Variants in MAD1L1 observed in about 807,000 individuals in gnomAD.
MAD1L1 encodes mitotic arrest deficient 1 like 1.
MAD1L1 carries 95 observed loss-of-function variants against 96.9 expected under a neutral mutation model. The observed-to-expected ratio is 0.98, with a 90% CI of 0.83 to 1.16. The LOEUF is 1.16. Among genes scored for constraint, MAD1L1 ranks in the 50% most tolerant of loss-of-function variants. The probability of loss-of-function intolerance (pLI) is 0.00; values close to 1 mark genes in which losing one functional copy is unlikely to be tolerated. For synonymous variants in MAD1L1, 473 were observed against 396.6 expected, an observed-to-expected ratio of 1.19 and a Z score of -2.29; for missense variants, 1,007 against 954.4, an observed-to-expected ratio of 1.06 and a Z score of -0.73.
At chr7:2,144,246 G>A (rs570623496) in intron 11 of MAD1L1, among the ~76,000 whole-genome samples, 22 of 152,322 alleles carry the variant, frequency 1.4e-4, no homozygotes, top group Admixed American at 2.6e-4. Context: ...TCAAGTGAGA[G>A]GCTGCGCATG....
At chr7:1,887,845 G>A (rs1786197836) in intron 18 of MAD1L1, among the ~76,000 whole-genome samples, 3 of 32,354 alleles carry the variant, frequency 9.3e-5, no homozygotes, top group Non-Finnish European at 1.6e-4. Context: ...GTGGCGTCCT[G>A]TGCGTGTGTG....
chr7:1,838,261 A>G (rs190165677), intron 18 of MAD1L1, among the ~76,000 whole-genome samples: 36 of 152,340 alleles, frequency 2.4e-4, no homozygotes, highest in African/African-American at 8.4e-4. Context: ...AGAAGCTGGG[A>G]GAACAGGCAG....
intron 18 of MAD1L1, among the ~76,000 whole-genome samples, chr7:1,856,361 G>A (rs918621763): frequency 6.6e-6 from 1 of 152,172 alleles, no homozygotes; most frequent in Non-Finnish European, 1.5e-5. Context: ...GGTGCTCGGG[G>A]AAGAACCCGC....
chr7:1,977,306 T>C (rs2128482346), intron 15 of MAD1L1, among the ~76,000 whole-genome samples: 1 of 152,344 alleles, frequency 6.6e-6, no homozygotes, highest in Admixed American at 6.5e-5. Flanking sequence ...GCAGCGCAGA[T>C]GGGCCAGCAG....
chr7:1,870,171 C>T (rs1486328196), intron 18 of MAD1L1, among the ~76,000 whole-genome samples: 2 of 152,132 alleles, frequency 1.3e-5, no homozygotes, highest in African/African-American at 2.4e-5. Context: ...GTGTCACATC[C>T]GGCCTAGTTG....
intron 10 of MAD1L1, among the ~76,000 whole-genome samples, chr7:2,163,162 G>A (rs752304764): frequency 1.3e-5 from 2 of 152,150 alleles, no homozygotes; most frequent in Non-Finnish European, 2.9e-5. Flanking sequence ...GCACAAACCG[G>A]CACATTAAGG....
intron 11 of MAD1L1, among the ~76,000 whole-genome samples, chr7:2,105,063 G>C (rs1238095075): frequency 6.6e-6 from 1 of 152,210 alleles, no homozygotes; most frequent in Admixed American, 6.5e-5. Context: ...CCCAGGGGCC[G>C]GACACCGCAG....
At chr7:2,205,519 T>C (rs572186479) in intron 10 of MAD1L1, among the ~76,000 whole-genome samples, 1 of 152,104 alleles carries the variant, frequency 6.6e-6, no homozygotes, top group Non-Finnish European at 1.5e-5. Flanking sequence ...ACCCCTATCA[T>C]TGCATCCCCA....
At chr7:1,845,104 A>C (rs1015938363) in intron 18 of MAD1L1, among the ~76,000 whole-genome samples, 1 of 152,214 alleles carries the variant, frequency 6.6e-6, no homozygotes, top group Non-Finnish European at 1.5e-5. Flanking sequence ...GAGCAGAGCG[A>C]AGGGGTCTCC....
chr7:1,960,417 A>G (rs1267103490), intron 15 of MAD1L1, among the ~76,000 whole-genome samples: 1 of 152,224 alleles, frequency 6.6e-6, no homozygotes, highest in Non-Finnish European at 1.5e-5. Flanking sequence ...ACCCAATCAG[A>G]CACCGCTGAC....
At chr7:2,228,804 A>G (rs1430636087) in intron 3 of MAD1L1, among the ~76,000 whole-genome samples, 1 of 151,380 alleles carries the variant, frequency 6.6e-6, no homozygotes, top group Non-Finnish European at 1.5e-5. Context: ...GCGGTGGCGC[A>G]ATCTCAGCTC....
intron 16 of MAD1L1, among the ~76,000 whole-genome samples, chr7:1,952,055 G>A (rs887007006): frequency 6.6e-6 from 1 of 152,184 alleles, no homozygotes; most frequent in Non-Finnish European, 1.5e-5. Context: ...TAGAATCTCA[G>A]GCTTAGTCTG....
chr7:2,173,863 G>T (rs147690473), intron 10 of MAD1L1, among the ~76,000 whole-genome samples: 12 of 152,140 alleles, frequency 7.9e-5, no homozygotes, highest in African/African-American at 2.9e-4. Flanking sequence ...CAGTGGTATG[G>T]TCATAGCTCA....
intron 13 of MAD1L1, among the ~76,000 whole-genome samples, chr7:2,005,008 CG>C (rs1781968349): frequency 6.6e-6 from 1 of 152,200 alleles, no homozygotes; most frequent in Admixed American, 6.5e-5. Flanking sequence ...GCACTGGTCT[CG>C]GGTACCTGGG....
chr7:2,189,796 TG>T (rs1349706346), intron 10 of MAD1L1, among the ~76,000 whole-genome samples: 1 of 152,242 alleles, frequency 6.6e-6, no homozygotes, highest in Non-Finnish European at 1.5e-5. Context: ...TCAATTTTAT[TG>T]TATATGTATT....
At chr7:2,201,687 C>A (rs1481261498) in intron 10 of MAD1L1, among the ~76,000 whole-genome samples, 1 of 152,216 alleles carries the variant, frequency 6.6e-6, no homozygotes, top group Middle Eastern at 3.2e-3. Context: ...CGTTTCCACC[C>A]GGACACGCCG....
rs116919431 is a variant in MAD1L1 at position 2,053,101 on chromosome 7, G to T, written c.1218+16093C>A. On this transcript the variant is annotated intron_variant, in intron 12 of 18. Coordinates refer to ENST00000265854, the MANE Select transcript of MAD1L1 (RefSeq NM_001013836.2). The stretch of plus-strand genomic sequence containing the variant: ...CTACCCTCCTGCTCTGCCACTGACA[G>T]CTACACGTCTTGCGACTTTGGTTGT... Among the ~76,000 whole-genome samples, 7 of 152,330 alleles carry T rather than the reference G, an allele frequency of 4.6e-5. No homozygotes were observed. In the East Asian group the frequency reaches 1.4e-3, roughly 29 times the overall value.
intron 18 of MAD1L1, among the ~76,000 whole-genome samples, chr7:1,832,647 GT>G (rs1380435722): frequency 4.1e-4 from 20 of 48,504 alleles, no homozygotes; most frequent in South Asian, 1.5e-3. Context: ...GGGGGGGGGG[GT>G]GGGGATGGAG....
intron 16 of MAD1L1, among the ~76,000 whole-genome samples, chr7:1,948,267 G>C (rs10950461): frequency 2.6e-5 from 4 of 151,784 alleles, no homozygotes; most frequent in African/African-American, 9.7e-5. Flanking sequence ...GCCAGCCTGC[G>C]AGTGAGCCCA....
Sources: allele counts gnomAD v4.1 joint callset (sites outside exome capture counted in the v4.1 genomes callset), GRCh38; gene constraint gnomAD v4.1.1; transcripts MANE v1.5; gene names NCBI Gene and HGNC (gene_info 2026-07-23, HGNC 2026-07-21).